Variants in MBOAT2 observed in about 807,000 individuals in gnomAD.
The protein encoded by MBOAT2 is membrane-bound glycerophospholipid O-acyltransferase 2.
A neutral mutation model predicts 63.4 loss-of-function variants in MBOAT2; 28 were observed. That is an observed-to-expected ratio of 0.44 (90% CI 0.33 to 0.61). The LOEUF (loss-of-function observed/expected upper bound fraction) is 0.61, where lower values mean the gene tolerates loss of function less well. Ranked by LOEUF, MBOAT2 falls within the 20% of genes least tolerant of loss-of-function variation. The pLI is 0.03. For synonymous variants in MBOAT2, 211 were observed against 215.6 expected (o/e 0.98, Z 0.19); for missense variants, 470 against 605.8 (o/e 0.78, Z 2.35).
At position 8,912,383 on chromosome 2, in the gene MBOAT2, GAA is replaced by G. The variant is rs1226697386; in HGVS notation, c.300-3669_300-3668del. Reference sequence around the variant, plus strand: ...AAAGAAAGAAAGAAAGAGAAAGAAAGAAAGAAAGAAAGAAAGAAAGAAAGAAA... The same window carrying G: ...AAAGAAAGAAAGAAAGAGAAAGAAAGAGAAAGAAAGAAAGAAAGAAAGAAA... On this transcript the variant is annotated intron_variant, in intron 3 of 12. Transcript: ENST00000305997. Among the ~76,000 whole-genome samples, 398 of 140,106 alleles carry G rather than the reference GAA, an allele frequency of 2.8e-3. 1 individual carries two copies. The highest frequency in any genetic ancestry group is 9.2e-3 in the African/African-American group (328 of 35,806). The allele number at this position is 140,106 out of a possible 152,430, so 91.9% of individuals were successfully genotyped here.
intron 1 of MBOAT2, among the ~76,000 whole-genome samples, chr2:9,001,463 G>A (rs1051923367): frequency 5.9e-5 from 9 of 152,184 alleles, no homozygotes; most frequent in Admixed American, 5.9e-4. Flanking sequence ...CTAGGCAATA[G>A]GAATTGTTCA....
Position 8,855,080 on chromosome 2 carries a change from T to C in MBOAT2, c.*3599A>G, listed in dbSNP as rs1283533907. ...AGCTATTGCCAGTAGAAAAAGTATG[T>C]TGCCATGCCTTCTGATTTAAGGGAT... is the stretch of plus-strand genomic sequence containing the variant. On this transcript the variant is annotated 3_prime_UTR_variant, in exon 13 of 13. Coordinates refer to ENST00000305997, the MANE Select transcript of MBOAT2 (RefSeq NM_138799.4). 6.6e-6 allele frequency: 1 copy of C among 152,236 alleles called. No individual in the cohort carries two copies. The highest frequency in any genetic ancestry group is 1.5e-5 in the Non-Finnish European group (1 of 68,042). 9.4% of individuals were successfully genotyped at this position (152,236 alleles called of 1,614,324 possible).
Position 8,873,295 on chromosome 2 carries a change from C to A in MBOAT2, c.696G>T (p.Ala232=), listed in dbSNP as rs370941926. Residue 232 remains alanine, a synonymous_variant, in exon 8 of 13, where the codon GCG becomes GCT. Transcript: ENST00000305997. ...CACAAACTAAGAGCTTCTGAACAAC[C>A]GCAGTCTGAAAAGCGCAAGGCGAGA... ...YERTEPSPNT[A]VVQKLLVCGL... 6 of 1,612,058 alleles carry A rather than the reference C, an allele frequency of 3.7e-6. No homozygotes were observed. Among genetic ancestry groups the A allele is most frequent in the Non-Finnish European group, 5.1e-6 (6 of 1,178,792 alleles).
chr2:8,867,418 C>T (rs1661978850), intron 9 of MBOAT2, among the ~76,000 whole-genome samples: 2 of 152,182 alleles, frequency 1.3e-5, no homozygotes, highest in Admixed American at 6.5e-5. Flanking sequence ...ATTCTCTCCT[C>T]CAGGGCCTGA....
chr2:8,934,354 T>C (rs1667516100), intron 3 of MBOAT2, among the ~76,000 whole-genome samples: 1 of 152,200 alleles, frequency 6.6e-6, no homozygotes, highest in South Asian at 2.1e-4. Context: ...TAATGGTTAC[T>C]GCTTAGAAAT....
At chr2:8,959,987 G>A (rs1669498400) in intron 1 of MBOAT2, among the ~76,000 whole-genome samples, 1 of 152,178 alleles carries the variant, frequency 6.6e-6, no homozygotes, top group South Asian at 2.1e-4. Context: ...TAAAGACACA[G>A]ACAAGTATGT....
chr2:8,920,213 A>G (rs1666476476), intron 3 of MBOAT2, among the ~76,000 whole-genome samples: 1 of 152,116 alleles, frequency 6.6e-6, no homozygotes, highest in Non-Finnish European at 1.5e-5. Flanking sequence ...TTTTGAGTTG[A>G]TTTTTATGTA....
At position 8,858,821 on chromosome 2, in the gene MBOAT2, G is replaced by A. The variant is rs1424859249; in HGVS notation, c.1421C>T (p.Thr474Ile). 3 of 1,613,722 alleles carry A rather than the reference G, an allele frequency of 1.9e-6. No homozygotes were observed. The highest frequency in any genetic ancestry group is 2.7e-5 in the African/African-American group (2 of 74,910). The change falls in exon 13 of 13, where the codon ACA becomes ATA. Residue 474 changes from threonine to isoleucine, a missense_variant. Around this residue, in one of 3 missense-constraint regions of MBOAT2, gnomAD observed 90 missense variants for 84.9 expected, o/e 1.06. Coordinates refer to ENST00000305997, the MANE Select transcript of MBOAT2 (RefSeq NM_138799.4). ...PVKKTQRRKN[T>I]HENIQLSQSK... ...TTGTGAGAGCTGAATGTTTTCATGTGTATTCTTTCTTCTTTGAGTTTTTTT... is the reference window on the plus strand; with the variant it reads ...TTGTGAGAGCTGAATGTTTTCATGTATATTCTTTCTTCTTTGAGTTTTTTT...
At chr2:8,878,586 A>C (rs1442203230) in intron 6 of MBOAT2, among the ~76,000 whole-genome samples, 1 of 152,206 alleles carries the variant, frequency 6.6e-6, no homozygotes, top group Admixed American at 6.5e-5. Context: ...AGCTCAAGCA[A>C]TCCTTCTGCC....
At position 8,875,197 on chromosome 2, in the gene MBOAT2, G is replaced by A. The variant is rs1459013513; in HGVS notation, c.690+1833C>T. On this transcript the variant is annotated intron_variant, in intron 7 of 12. Transcript: ENST00000305997. ...TATGCACTTCACTGATGCACAAGGA[G>A]CTTCCAAATGCCCCTTGAGGGACTT... 3.3e-5 allele frequency among the ~76,000 whole-genome samples: 5 copies of A among 152,176 alleles called. 1 individual carries two copies. Among genetic ancestry groups the A allele is most frequent in the African/African-American group, 1.2e-4 (5 of 41,432 alleles).
Position 8,908,607 on chromosome 2 carries a change from AG to A in MBOAT2, c.395+13del. Reference sequence around the variant, plus strand: ...TGGATAAAACAGGCTACTGAATCAAAGTTTTCATCTTACCCTGAAAAATCAG... The same window carrying A: ...TGGATAAAACAGGCTACTGAATCAAATTTTCATCTTACCCTGAAAAATCAG... On this transcript the variant is annotated intron_variant, in intron 4 of 12. Coordinates refer to ENST00000305997, the MANE Select transcript of MBOAT2 (RefSeq NM_138799.4). 6.6e-7 allele frequency: 1 copy of A among 1,506,062 alleles called. No homozygotes were observed. The highest frequency in any genetic ancestry group is 9.2e-7 in the Non-Finnish European group (1 of 1,089,956). 93.3% of individuals were successfully genotyped at this position (1,506,062 alleles called of 1,614,324 possible). A position where few individuals can be genotyped will look rare whatever the true frequency, so the allele number is the denominator to read the frequency against.
intron 1 of MBOAT2, among the ~76,000 whole-genome samples, chr2:8,962,670 C>G (rs777975304): frequency 6.6e-6 from 1 of 151,580 alleles, no homozygotes; most frequent in African/African-American, 2.4e-5. Context: ...GCTATGAAAA[C>G]TAAAACTATA....
chr2:8,993,015 A>G (rs1672023622), intron 1 of MBOAT2, among the ~76,000 whole-genome samples: 1 of 152,178 alleles, frequency 6.6e-6, no homozygotes, highest in Non-Finnish European at 1.5e-5. Flanking sequence ...GTCTTTCTAG[A>G]GGGCCCTACT....
intron 2 of MBOAT2, among the ~76,000 whole-genome samples, chr2:8,954,997 G>A (rs150197043): frequency 2.4e-3 from 366 of 152,330 alleles, no homozygotes; most frequent in African/African-American, 8.5e-3. Context: ...CCAGGAGAAA[G>A]TGCAACTTAG....
At chr2:8,898,033 G>A (rs775255400) in intron 4 of MBOAT2, among the ~76,000 whole-genome samples, 10 of 152,242 alleles carry the variant, frequency 6.6e-5, no homozygotes, top group Non-Finnish European at 1.3e-4. Flanking sequence ...ACAACTATCC[G>A]TAAACAGTGA....
At chr2:8,941,810 GC>G in intron 3 of MBOAT2, among the ~76,000 whole-genome samples, 1 of 152,138 alleles carries the variant, frequency 6.6e-6, no homozygotes. Flanking sequence ...GACTGCAACT[GC>G]CTTTCAGAAA....
chr2:8,981,062 T>A (rs1303847641), intron 1 of MBOAT2, among the ~76,000 whole-genome samples: 1 of 152,084 alleles, frequency 6.6e-6, no homozygotes, highest in Non-Finnish European at 1.5e-5. Flanking sequence ...ACCTTGAAAA[T>A]ATTATAATGA....
chr2:8,899,371 T>G (rs965290355), intron 4 of MBOAT2, among the ~76,000 whole-genome samples: 1 of 152,216 alleles, frequency 6.6e-6, no homozygotes, highest in Non-Finnish European at 1.5e-5. Context: ...TACAGGCTGT[T>G]CCAGGATTCC....
rs189467510 is a variant in MBOAT2, at chr2:8,936,737, G to A, written c.299+6450C>T. Among the ~76,000 whole-genome samples, 3 of 137,192 alleles carry A rather than the reference G, an allele frequency of 2.2e-5. No individual in the cohort carries two copies. The East Asian group carries it at 6.4e-4, about 29-fold the overall frequency. 90.0% of individuals were successfully genotyped at this position (137,192 alleles called of 152,430 possible). ...CGGGAGACAGAGGTTGCAGTGAGCC[G>A]AGATTGTGCCACCGCACTCAGCCTG... On this transcript the variant is annotated intron_variant, in intron 3 of 12. Coordinates refer to ENST00000305997, the MANE Select transcript of MBOAT2 (RefSeq NM_138799.4).
Sources: gnomAD v4.1 joint callset for allele counts (sites outside exome capture counted in the v4.1 genomes callset) on GRCh38, gnomAD v4.1.1 for gene constraint, gnomAD v4.1.1 regional missense constraint, MANE v1.5 for transcripts, NCBI Gene and HGNC (gene_info 2026-07-23, HGNC 2026-07-21) for gene names.